PTPRM: variants seen among roughly 807,000 people sequenced by gnomAD.
PTPRM encodes the protein receptor-type tyrosine-protein phosphatase mu.
In PTPRM, 47 loss-of-function variants were observed where a neutral mutation model predicts 186.7. The ratio of observed to expected loss-of-function variants is 0.25; its 90% CI spans 0.20 to 0.32. The LOEUF (loss-of-function observed/expected upper bound fraction) is 0.32, where lower values mean the gene tolerates loss of function less well. Among genes scored for constraint, PTPRM ranks in the 10% least tolerant of loss-of-function variants. The probability of loss-of-function intolerance (pLI) is 1.00; values close to 1 mark genes in which losing one functional copy is unlikely to be tolerated. For synonymous variants in PTPRM, 668 were observed against 674.9 expected (o/e 0.99, Z 0.16); for missense variants, 1,494 against 1,865.0 (o/e 0.80, Z 3.66).
intron 20 of PTPRM, among the ~76,000 whole-genome samples, chr18:8,312,204 C>A (rs2046413457): frequency 6.6e-6 from 1 of 152,154 alleles, no homozygotes; most frequent in African/African-American, 2.4e-5. Flanking sequence ...GTGCTTGTGG[C>A]ACCCTTCTGT....
At chr18:7,592,062 C>A (rs1016786583) in intron 1 of PTPRM, among the ~76,000 whole-genome samples, 2 of 152,144 alleles carry the variant, frequency 1.3e-5, no homozygotes, top group African/African-American at 4.8e-5. Context: ...ATTTTAGTGA[C>A]CCGTTGTTTG....
chr18:7,880,676 G>T (rs567201403), intron 2 of PTPRM, among the ~76,000 whole-genome samples: 1 of 152,134 alleles, frequency 6.6e-6, no homozygotes, highest in African/African-American at 2.4e-5. Context: ...TTTGAGCTTT[G>T]CTCCCGTAGT....
chr18:7,768,037 T>C (rs2042094914), intron 1 of PTPRM, among the ~76,000 whole-genome samples: 1 of 152,190 alleles, frequency 6.6e-6, no homozygotes, highest in African/African-American at 2.4e-5. Flanking sequence ...CTTTATTGGG[T>C]GTTTATCATG....
intron 3 of PTPRM, among the ~76,000 whole-genome samples, chr18:7,903,437 C>T (rs2049807145): frequency 1.3e-5 from 2 of 152,172 alleles, no homozygotes; most frequent in Admixed American, 1.3e-4. Flanking sequence ...TAGCTGTTTC[C>T]TGGGAGGCAG....
rs1242398318 is a variant in PTPRM, at chr18:8,126,018, TATATA to T, written c.2167+11192_2167+11196del. Among the ~76,000 whole-genome samples, 259 of 31,026 alleles carry T rather than the reference TATATA, an allele frequency of 8.3e-3. 18 individuals carry two copies. The highest frequency in any genetic ancestry group is 0.036 in the East Asian group (27 of 744). 20.4% of individuals were successfully genotyped at this position (31,026 alleles called of 152,430 possible). ...ATATATATATATATATATATATATATATATATATATTTTAAATCAGTAGACCTTTC... is the reference window on the plus strand; with the variant it reads ...ATATATATATATATATATATATATATTATATTTTAAATCAGTAGACCTTTC... On this transcript the variant is annotated intron_variant, in intron 13 of 32. Coordinates refer to ENST00000580170, the MANE Select transcript of PTPRM (RefSeq NM_001105244.2).
chr18:7,830,572 C>A (rs1659493302), intron 2 of PTPRM, among the ~76,000 whole-genome samples: 1 of 152,206 alleles, frequency 6.6e-6, no homozygotes, highest in South Asian at 2.1e-4. Flanking sequence ...ACAGGAAAGT[C>A]GTTAGGCAGT....
At position 8,299,633 on chromosome 18, in the gene PTPRM, C is replaced by A. The variant is rs904004589; in HGVS notation, c.2842+3178C>A. Among the ~76,000 whole-genome samples the A allele has an allele frequency of 5.9e-5, 9 of 152,020 alleles. 1 individual carries two copies. Among genetic ancestry groups the A allele is most frequent in the African/African-American group, 1.9e-4 (8 of 41,368 alleles). On this transcript the variant is annotated intron_variant, in intron 20 of 32. Transcript: ENST00000580170. ...AAGATAATAAAACACAAGATACTGC[C>A]CTCCTAGTAGTTACAGTCTAGTGCA...
At chr18:8,076,325 A>T (rs1228379400) in intron 8 of PTPRM, 130 bp from the exon 9 acceptor site, 1 of 607,672 alleles carries the variant, frequency 1.6e-6, no homozygotes, top group Non-Finnish European at 2.9e-6. Flanking sequence ...CAGATTTTTA[A>T]AGAAAAATTG....
intron 4 of PTPRM, among the ~76,000 whole-genome samples, chr18:7,907,243 A>G (rs1263859847): frequency 6.6e-6 from 1 of 152,194 alleles, no homozygotes; most frequent in Non-Finnish European, 1.5e-5. Context: ...CCTGCCCCCC[A>G]GGGGCCACCA....
At chr18:8,056,367 G>A (rs767239479) in intron 7 of PTPRM, among the ~76,000 whole-genome samples, 4 of 152,174 alleles carry the variant, frequency 2.6e-5, no homozygotes, top group Non-Finnish European at 4.4e-5. Flanking sequence ...AGTGGCTCAT[G>A]CCTGTAATCT....
chr18:8,136,378 A>T lies in PTPRM; in HGVS notation c.2168-7269A>T, dbSNP rs753787100. On this transcript the variant is annotated intron_variant, in intron 13 of 32. Transcript: ENST00000580170. ...CTCTTGGACTTTTAGTGTCCAGATG[A>T]TAAGTGATAAGGCTTTGATAGATCA... 5.8e-4 allele frequency among the ~76,000 whole-genome samples: 89 copies of T among 152,230 alleles called. 1 individual carries two copies. Among genetic ancestry groups the T allele is most frequent in the Non-Finnish European group, 1.2e-3 (79 of 68,044 alleles).
chr18:8,139,405 G>A (rs1279850567), intron 13 of PTPRM, among the ~76,000 whole-genome samples: 2 of 152,122 alleles, frequency 1.3e-5, no homozygotes, highest in South Asian at 2.1e-4. Context: ...CTGCATCTTC[G>A]TAATAGCCTC....
At chr18:8,320,222 G>C (rs1196269797) in intron 22 of PTPRM, among the ~76,000 whole-genome samples, 2 of 152,210 alleles carry the variant, frequency 1.3e-5, no homozygotes, top group Non-Finnish European at 2.9e-5. Flanking sequence ...GGTGTACACA[G>C]ACAGTCAGTG....
intron 1 of PTPRM, among the ~76,000 whole-genome samples, chr18:7,772,444 C>CTT (rs1457362330): frequency 1.5e-4 from 14 of 92,318 alleles, no homozygotes; most frequent in South Asian, 4.3e-4. Flanking sequence ...CTTCCCCTTC[C>CTT]CCTTCCTTCC....
At chr18:8,309,671 A>G (rs560043774) in intron 20 of PTPRM, among the ~76,000 whole-genome samples, 1 of 152,158 alleles carries the variant, frequency 6.6e-6, no homozygotes, top group African/African-American at 2.4e-5. Flanking sequence ...TGCTAGGCTA[A>G]TTCTTTTTTC....
intron 13 of PTPRM, among the ~76,000 whole-genome samples, chr18:8,133,343 T>C (rs1397624202): frequency 6.6e-6 from 1 of 152,204 alleles, no homozygotes; most frequent in African/African-American, 2.4e-5. Context: ...TCAGTGGAGC[T>C]CATGTTCAAA....
chr18:7,898,536 T>C (rs1440997), intron 3 of PTPRM, among the ~76,000 whole-genome samples: 68,376 of 152,018 alleles, frequency 0.45, 19,391 homozygotes, highest in African/African-American at 0.79. Flanking sequence ...CAGAGGCCAG[T>C]ATCCAGGATG....
intron 14 of PTPRM, among the ~76,000 whole-genome samples, chr18:8,182,135 A>G (rs1402805486): frequency 6.6e-6 from 1 of 152,180 alleles, no homozygotes; most frequent in Admixed American, 6.5e-5. Context: ...GCGTGTGAAT[A>G]TGTTTATAGT....
intron 1 of PTPRM, among the ~76,000 whole-genome samples, chr18:7,763,874 T>C (rs1049025917): frequency 2.0e-5 from 3 of 152,160 alleles, no homozygotes; most frequent in African/African-American, 7.2e-5. Context: ...AATGATTTTA[T>C]GCTAATAAAA....
Sources: gnomAD v4.1 joint callset for allele counts (sites outside exome capture counted in the v4.1 genomes callset) on GRCh38, gnomAD v4.1.1 for gene constraint, MANE v1.5 for transcripts, NCBI Gene and HGNC (gene_info 2026-07-23, HGNC 2026-07-21) for gene names.